Variants in SLC10A7 observed in about 807,000 individuals in gnomAD.
SLC10A7 encodes solute carrier family 10 member 7, also known as sodium/bile acid cotransporter 7.
SLC10A7 carries 29 observed loss-of-function variants against 43.2 expected under a neutral mutation model. The ratio of observed to expected loss-of-function variants is 0.67; its 90% CI spans 0.50 to 0.92. The LOEUF is 0.92. SLC10A7 is among the 40% of genes least tolerant of loss of function. The pLI is 0.00. For synonymous variants in SLC10A7, 152 were observed against 144.8 expected, an observed-to-expected ratio of 1.05 and a Z score of -0.35; for missense variants, 295 against 403.2, an observed-to-expected ratio of 0.73 and a Z score of 2.30.
At chr4:146,517,420 G>A (rs1157852990) in intron 1 of SLC10A7, among the ~76,000 whole-genome samples, 5 of 152,016 alleles carry the variant, frequency 3.3e-5, no homozygotes, top group African/African-American at 9.7e-5. Flanking sequence ...CTGAGATCAC[G>A]CCATTGCACT....
At chr4:146,440,840 T>C (rs916307875) in intron 5 of SLC10A7, among the ~76,000 whole-genome samples, 2 of 152,198 alleles carry the variant, frequency 1.3e-5, no homozygotes, top group African/African-American at 4.8e-5. Flanking sequence ...CTGTCTGCCA[T>C]TGCTCATGCC....
chr4:146,332,252 A>G (rs1167141938), intron 5 of SLC10A7, among the ~76,000 whole-genome samples: 1 of 152,220 alleles, frequency 6.6e-6, no homozygotes, highest in Non-Finnish European at 1.5e-5. Flanking sequence ...TTGTGAAGAC[A>G]GAGGCATCCA....
Position 146,302,817 on chromosome 4 carries a change from ATTC to A in SLC10A7, c.555+3106_555+3108del, listed in dbSNP as rs1160236972. Among the ~76,000 whole-genome samples, 10 of 152,196 alleles carry A rather than the reference ATTC, an allele frequency of 6.6e-5. No individual in the cohort carries two copies. The East Asian group carries it at 1.9e-3, about 29-fold the overall frequency. The stretch of plus-strand genomic sequence containing the variant: ...ATCATTTTATATTTAATTAAATGCT[ATTC>A]TTAAAGTGCTTTTAAATCCCCCATT... On this transcript the variant is annotated intron_variant, in intron 7 of 11. Coordinates refer to ENST00000335472, the MANE Select transcript of SLC10A7 (RefSeq NM_001029998.6).
At chr4:146,519,523 G>A (rs1738418472) in intron 1 of SLC10A7, among the ~76,000 whole-genome samples, 2 of 151,856 alleles carry the variant, frequency 1.3e-5, no homozygotes, top group Non-Finnish European at 2.9e-5. Flanking sequence ...AGTGCAAAAG[G>A]CATTGCATTT....
intron 3 of SLC10A7, among the ~76,000 whole-genome samples, chr4:146,505,812 C>T (rs1009051184): frequency 6.6e-6 from 1 of 152,144 alleles, no homozygotes; most frequent in African/African-American, 2.4e-5. Context: ...TGAGCATTTA[C>T]CATTTGTAGT....
intron 7 of SLC10A7, among the ~76,000 whole-genome samples, chr4:146,299,702 G>A (rs1731027531): frequency 6.6e-6 from 1 of 152,106 alleles, no homozygotes; most frequent in Non-Finnish European, 1.5e-5. Flanking sequence ...TAGAGGATAA[G>A]GTAACAATCC....
Position 146,400,765 on chromosome 4 carries a change from G to T in SLC10A7, c.435+42018C>A, listed in dbSNP as rs146840413. On this transcript the variant is annotated intron_variant, in intron 5 of 11. Transcript: ENST00000335472. ...ACATACTCACCATTTGATGACAGACGTGAATGAATAGTGTGTCGATAAGGG... is the reference window on the plus strand; with the variant it reads ...ACATACTCACCATTTGATGACAGACTTGAATGAATAGTGTGTCGATAAGGG... Among the ~76,000 whole-genome samples, 7 of 152,164 alleles carry T rather than the reference G, an allele frequency of 4.6e-5. No homozygotes were observed. In the East Asian group the frequency reaches 1.2e-3, roughly 25 times the overall value.
intron 4 of SLC10A7, among the ~76,000 whole-genome samples, chr4:146,475,972 A>T (rs1404576706): frequency 6.6e-6 from 1 of 152,204 alleles, no homozygotes; most frequent in African/African-American, 2.4e-5. Context: ...TTAAGCTGCT[A>T]AAGGTGTTTT....
chr4:146,392,172 T>C (rs1262081051), intron 5 of SLC10A7, among the ~76,000 whole-genome samples: 1 of 152,214 alleles, frequency 6.6e-6, no homozygotes, highest in Non-Finnish European at 1.5e-5. Context: ...AGGACTCTGT[T>C]GTATCTCTAT....
chr4:146,309,397 C>T (rs1287234588), intron 6 of SLC10A7, among the ~76,000 whole-genome samples: 1 of 152,090 alleles, frequency 6.6e-6, no homozygotes, highest in South Asian at 2.1e-4. Flanking sequence ...TCAGAAACAT[C>T]GGGAGGGCTT....
chr4:146,474,397 G>A lies in SLC10A7; in HGVS notation c.396+29452C>T, dbSNP rs34947615. Among the ~76,000 whole-genome samples, 758 of 152,214 alleles carry A rather than the reference G, an allele frequency of 5.0e-3. 5 individuals carry two copies. Among genetic ancestry groups the A allele is most frequent in the Admixed American group, 0.014 (214 of 15,282 alleles). On this transcript the variant is annotated intron_variant, in intron 4 of 11. Coordinates refer to ENST00000335472, the MANE Select transcript of SLC10A7 (RefSeq NM_001029998.6). ...TGTAATGCATCTTCCAAGTCATTAA[G>A]TATAGAAACTTGACTTTTGATTAAC...
intron 9 of SLC10A7, among the ~76,000 whole-genome samples, chr4:146,284,023 G>A (rs951790079): frequency 6.6e-5 from 10 of 152,060 alleles, no homozygotes; most frequent in Admixed American, 3.3e-4. Context: ...AAATGTTGTG[G>A]GGAGTCAGTA....
chr4:146,458,209 G>C (rs994814238), intron 4 of SLC10A7, among the ~76,000 whole-genome samples: 1 of 151,392 alleles, frequency 6.6e-6, no homozygotes, highest in Non-Finnish European at 1.5e-5. Flanking sequence ...CTTATCAATA[G>C]ATGAAAAAAG....
chr4:146,341,719 A>G (rs1035741192), intron 5 of SLC10A7, among the ~76,000 whole-genome samples: 1 of 151,834 alleles, frequency 6.6e-6, no homozygotes, highest in African/African-American at 2.4e-5. Flanking sequence ...TACATGTTCT[A>G]TTAAAAAGTA....
chr4:146,488,766 GAAGC>G (rs1448525963), intron 4 of SLC10A7, among the ~76,000 whole-genome samples: 2 of 152,084 alleles, frequency 1.3e-5, no homozygotes, highest in Admixed American at 1.3e-4. Flanking sequence ...ATAATTGAGA[GAAGC>G]AAAAATGCCA....
chr4:146,442,163 A>G, intron 5 of SLC10A7: 1 of 971,488 alleles, frequency 1.0e-6, no homozygotes, highest in Non-Finnish European at 1.2e-6. Context: ...TTTATTTAAA[A>G]ATAATGATTA....
At chr4:146,379,741 A>G (rs1579038949) in intron 5 of SLC10A7, among the ~76,000 whole-genome samples, 1 of 152,200 alleles carries the variant, frequency 6.6e-6, no homozygotes, top group Non-Finnish European at 1.5e-5. Context: ...TCTCCAAAGA[A>G]CATCGCATTA....
chr4:146,339,241 C>T (rs2149724427), intron 5 of SLC10A7, among the ~76,000 whole-genome samples: 1 of 152,052 alleles, frequency 6.6e-6, no homozygotes, highest in Admixed American at 6.6e-5. Flanking sequence ...CATGTCTACA[C>T]ATGTGAAATG....
At chr4:146,481,519 G>A (rs935473433) in intron 4 of SLC10A7, among the ~76,000 whole-genome samples, 4 of 152,152 alleles carry the variant, frequency 2.6e-5, no homozygotes, top group Non-Finnish European at 5.9e-5. Context: ...ACTGTGCCTC[G>A]TGGCTCCAGG....
Sources: gnomAD v4.1 joint callset for allele counts (sites outside exome capture counted in the v4.1 genomes callset) on GRCh38, gnomAD v4.1.1 for gene constraint, MANE v1.5 for transcripts, NCBI Gene and HGNC (gene_info 2026-07-23, HGNC 2026-07-21) for gene names.